SUCLG1: variants seen among roughly 807,000 people sequenced by gnomAD.
The protein encoded by SUCLG1 is succinate-CoA ligase GDP/ADP-forming subunit alpha.
A neutral mutation model predicts 37.3 loss-of-function variants in SUCLG1; 26 were observed. The ratio of observed to expected loss-of-function variants is 0.70; its 90% confidence interval spans 0.51 to 0.97. The LOEUF is 0.97. Among genes scored for constraint, SUCLG1 ranks in the 50% least tolerant of loss-of-function variants. The pLI, the probability that SUCLG1 is intolerant of heterozygous loss-of-function variation, is 0.00. For missense variants in SUCLG1, 433 were observed against 432.9 expected (o/e 1.00, Z 0.00); for synonymous variants, 163 against 155.6 (o/e 1.05, Z -0.36).
rs183365241 is a variant in SUCLG1, at chr2:84,444,636, C to T, written c.202-1236G>A. Reference sequence around the variant, plus strand: ...GAGACAGGCTTTGAGAGCAGACAACCGGTCTGACCAAAAATTATTAGGCGG... The same window carrying T: ...GAGACAGGCTTTGAGAGCAGACAACTGGTCTGACCAAAAATTATTAGGCGG... On this transcript the variant is annotated intron_variant, in intron 2 of 8. Transcript: ENST00000393868. 2.5e-4 allele frequency among the ~76,000 whole-genome samples: 38 copies of T among 152,222 alleles called. 1 individual carries two copies. The highest frequency in any genetic ancestry group is 8.7e-4 in the African/African-American group (36 of 41,534).
At chr2:84,450,519 T>C (rs548425072) in intron 1 of SUCLG1, among the ~76,000 whole-genome samples, 2 of 151,624 alleles carry the variant, frequency 1.3e-5, no homozygotes, top group Admixed American at 6.6e-5. Flanking sequence ...CAAAACACAG[T>C]AGGAGGAACA....
rs986455267 is a variant in SUCLG1, at chr2:84,423,577, G to A, written c.*169C>T. On this transcript the variant is annotated 3_prime_UTR_variant, in exon 9 of 9. Transcript: ENST00000393868. ...GGCTGTCTCTGTAATACAATGTGGT[G>A]AAAACATCTTAATTCAGGACATCTT... is the stretch of plus-strand genomic sequence containing the variant. 7.2e-6 allele frequency: 5 copies of A among 698,680 alleles called. No homozygotes were observed. The South Asian group carries it at 8.0e-5, about 11-fold the overall frequency. 43.3% of individuals were successfully genotyped at this position (698,680 alleles called of 1,614,324 possible). A position where few individuals can be genotyped will look rare whatever the true frequency, so the allele number is the denominator to read the frequency against.
chr2:84,441,586 T>C (rs775488168), intron 3 of SUCLG1, 127 bp from the exon 4 acceptor site: 1 of 1,089,604 alleles, frequency 9.2e-7, no homozygotes, highest in African/African-American at 1.6e-5. Flanking sequence ...CATAGCATTC[T>C]TCCCATTCTC....
At chr2:84,444,522 T>TCACAGGAC (rs553366916) in intron 2 of SUCLG1, among the ~76,000 whole-genome samples, 10 of 152,130 alleles carry the variant, frequency 6.6e-5, no homozygotes, top group African/African-American at 2.2e-4. Flanking sequence ...CAGGGTGAGA[T>TCACAGGAC]CACAGGACCA....
intron 1 of SUCLG1, among the ~76,000 whole-genome samples, chr2:84,450,835 A>G (rs1278121811): frequency 6.6e-6 from 1 of 152,200 alleles, no homozygotes; most frequent in Non-Finnish European, 1.5e-5. Flanking sequence ...CTGCTTCTGG[A>G]GGAAGTATAT....
In SUCLG1 at chr2:84,441,377, T is replaced by C. The variant is rs1672770394; in HGVS notation, c.401A>G (p.Glu134Gly). ...FAAAAINEAI[E>G]AEIPLVVCIT... is the part of the protein sequence containing the mutation. ...ACACACAACCAAGGGAATTTCTGCC[T>C]CAATAGCTTCATTAATGGCAGCAGC... The change falls in exon 4 of 9, where the codon GAG (glutamate) becomes GGG (glycine). Residue 134 changes from glutamate to glycine, a missense_variant. Coordinates refer to ENST00000393868, the MANE Select transcript of SUCLG1 (RefSeq NM_003849.4). 6.2e-7 allele frequency: 1 copy of C among 1,614,050 alleles called. No individual in the cohort carries two copies. The highest frequency in any genetic ancestry group is 1.3e-5 in the African/African-American group (1 of 74,914).
At chr2:84,425,149 T>C (rs897686621) in intron 8 of SUCLG1, among the ~76,000 whole-genome samples, 2 of 152,238 alleles carry the variant, frequency 1.3e-5, no homozygotes, top group African/African-American at 4.8e-5. Flanking sequence ...ATCTTCAAGA[T>C]GCTTTTTGTG....
At chr2:84,442,608 T>C (rs1672792625) in intron 3 of SUCLG1, among the ~76,000 whole-genome samples, 1 of 152,222 alleles carries the variant, frequency 6.6e-6, no homozygotes, top group African/African-American at 2.4e-5. Flanking sequence ...ACTTACTTTT[T>C]GTATCGTCTG....
rs1672953175 is a variant in SUCLG1 at position 84,452,252 on chromosome 2, C to T, written c.98-2500G>A. Among the ~76,000 whole-genome samples, 2 of 151,376 alleles carry T rather than the reference C, an allele frequency of 1.3e-5. 1 individual carries two copies. The highest frequency in any genetic ancestry group is 4.2e-4 in the South Asian group (2 of 4,806). On this transcript the variant is annotated intron_variant, in intron 1 of 8. Coordinates refer to ENST00000393868, the MANE Select transcript of SUCLG1 (RefSeq NM_003849.4). ...CCACACCTATTCAAGGTAGAGAAGT[C>T]TATGAATGTGTAAGAGGTGGGGAGG...
intron 1 of SUCLG1, among the ~76,000 whole-genome samples, chr2:84,456,105 A>C (rs911662752): frequency 6.6e-6 from 1 of 152,120 alleles, no homozygotes; most frequent in African/African-American, 2.4e-5. Context: ...TGAGGATCTC[A>C]TTTTCCAAAC....
chr2:84,426,086 G>A (rs889311274), intron 7 of SUCLG1: 2 of 174,328 alleles, frequency 1.1e-5, no homozygotes, highest in South Asian at 1.3e-4. Context: ...AAAGCTGCAC[G>A]ACCTTGGACA....
At chr2:84,436,925 T>A (rs990422625) in intron 5 of SUCLG1, among the ~76,000 whole-genome samples, 1 of 152,208 alleles carries the variant, frequency 6.6e-6, no homozygotes, top group African/African-American at 2.4e-5. Flanking sequence ...GAGTTGAAAC[T>A]GAAAACTCAT....
chr2:84,445,875 G>C, intron 2 of SUCLG1, among the ~76,000 whole-genome samples: 1 of 152,278 alleles, frequency 6.6e-6, no homozygotes. Context: ...GATTGTCTTA[G>C]ATTTCAGTCA....
intron 7 of SUCLG1, among the ~76,000 whole-genome samples, chr2:84,430,442 A>C (rs1672597806): frequency 6.6e-6 from 1 of 152,200 alleles, no homozygotes; most frequent in Non-Finnish European, 1.5e-5. Flanking sequence ...AAAAGTAAGG[A>C]AAGAGAATGA....
chr2:84,439,189 T>TAA (rs748791525), intron 5 of SUCLG1, among the ~76,000 whole-genome samples: 1 of 139,838 alleles, frequency 7.2e-6, no homozygotes, highest in African/African-American at 2.6e-5. Context: ...TTCTTTTTTT[T>TAA]AAAAAAAAAA....
chr2:84,430,435 A>G (rs1672597778), intron 7 of SUCLG1, among the ~76,000 whole-genome samples: 1 of 152,222 alleles, frequency 6.6e-6, no homozygotes, highest in Non-Finnish European at 1.5e-5. Context: ...ATGAATGAAA[A>G]GTAAGGAAAG....
chr2:84,436,338 G>C (rs1672686609), intron 5 of SUCLG1, among the ~76,000 whole-genome samples: 1 of 152,178 alleles, frequency 6.6e-6, no homozygotes, highest in Non-Finnish European at 1.5e-5. Context: ...ATCCTGAAAA[G>C]CTGATCTAAA....
At chr2:84,431,979 C>G (rs985660851) in intron 6 of SUCLG1, among the ~76,000 whole-genome samples, 1 of 152,194 alleles carries the variant, frequency 6.6e-6, no homozygotes, top group African/African-American at 2.4e-5. Flanking sequence ...TCCCAGATAA[C>G]TCCTTAGAAA....
chr2:84,439,339 C>G (rs1366991246), intron 5 of SUCLG1, among the ~76,000 whole-genome samples: 1 of 152,174 alleles, frequency 6.6e-6, no homozygotes, highest in Admixed American at 6.5e-5. Flanking sequence ...TTATGCTCAC[C>G]TTAGAAAGCA....
Sources: allele counts gnomAD v4.1 joint callset (sites outside exome capture counted in the v4.1 genomes callset), GRCh38; gene constraint gnomAD v4.1.1; transcripts MANE v1.5; gene names NCBI Gene and HGNC (gene_info 2026-07-23, HGNC 2026-07-21).